STAT1: variants seen among roughly 807,000 people sequenced by gnomAD.
STAT1 encodes signal transducer and activator of transcription 1-alpha/beta.
STAT1 carries 24 observed loss-of-function variants against 111.7 expected under a neutral mutation model. The observed-to-expected ratio is 0.21, with a 90% CI of 0.16 to 0.30. The LOEUF is 0.30. Among genes scored for constraint, STAT1 ranks in the 10% least tolerant of loss-of-function variants. STAT1 has a pLI of 1.00. For synonymous variants in STAT1, 332 were observed against 326.5 expected, an observed-to-expected ratio of 1.02 and a Z score of -0.18; for missense variants, 351 against 911.9, an observed-to-expected ratio of 0.38 and a Z score of 7.92.
At position 190,983,130 on chromosome 2, in the gene STAT1, G is replaced by C. The variant is rs1246802557; in HGVS notation, c.1446+512C>G. 6.6e-6 allele frequency among the ~76,000 whole-genome samples: 1 copy of C among 152,160 alleles called. No homozygotes were observed. The highest frequency in any genetic ancestry group is 1.5e-5 in the Non-Finnish European group (1 of 68,032). On this transcript the variant is annotated intron_variant, in intron 17 of 24. Transcript: ENST00000361099. This position sits in a 1 kb window ranked among gnomAD's most constrained non-coding sequence, Gnocchi z 5.7. ...ATGCCTCAACAAGTGTATTAGATAAGGTGTCTTTAAACAGAAACACACATA... is the reference window on the plus strand; with the variant it reads ...ATGCCTCAACAAGTGTATTAGATAACGTGTCTTTAAACAGAAACACACATA...
rs1186709234 is a variant in STAT1, at chr2:191,012,345, G to A, written c.-2+1180C>T. Among the ~76,000 whole-genome samples the A allele has an allele frequency of 1.3e-5, 2 of 151,932 alleles. No individual in the cohort carries two copies. The highest frequency in any genetic ancestry group is 2.9e-5 in the Non-Finnish European group (2 of 67,988). ...GCAGGGGAATTGCTTGAACCCAGGA[G>A]GCGGAGGTTGCAGTGAGCTGAGATC... On this transcript the variant is annotated intron_variant, in intron 2 of 24. Coordinates refer to ENST00000361099, the MANE Select transcript of STAT1 (RefSeq NM_007315.4). This position sits in a 1 kb window ranked among gnomAD's most constrained non-coding sequence, Gnocchi z 4.0.
intron 2 of STAT1, among the ~76,000 whole-genome samples, chr2:191,011,638 G>A (rs1008526217): frequency 2.6e-5 from 4 of 152,130 alleles, no homozygotes; most frequent in African/African-American, 9.7e-5. Flanking sequence ...TTAAGGGCGG[G>A]ACCAGTGGAG....
At position 190,998,522 on chromosome 2, in the gene STAT1, C is replaced by T. The variant is rs41454144; in HGVS notation, c.542-214G>A. Among the ~76,000 whole-genome samples, 2,162 of 151,984 alleles carry T rather than the reference C, an allele frequency of 0.014. 53 individuals are homozygous for T. The highest frequency in any genetic ancestry group is 0.049 in the African/African-American group (2,012 of 41,454). On this transcript the variant is annotated intron_variant, in intron 7 of 24. Coordinates refer to ENST00000361099, the MANE Select transcript of STAT1 (RefSeq NM_007315.4). The surrounding 1 kb of genome is among the most constrained non-coding windows in gnomAD (Gnocchi z 4.1). ...TACTTGTTTTCAAAAATTAGCCGGG[C>T]GCAGTGGCAGACGCCTGTAGTCCCA...
intron 2 of STAT1, among the ~76,000 whole-genome samples, 197 bp from the exon 3 acceptor site, chr2:191,010,201 T>TCCTCC (rs1481932146): frequency 2.9e-4 from 44 of 152,328 alleles, no homozygotes; most frequent in African/African-American, 1.0e-3. Context: ...ACTTTTTTTC[T>TCCTCC]CCTCCACGAA....
rs747510156 is a variant in STAT1 at position 190,983,652 on chromosome 2, G to A, written c.1436C>T (p.Ala479Val). Reference sequence around the variant, plus strand: ...ATGTGTTTTCCATACCCTGGGTTCCGCCACCAGCATGTTGTACCAAAGGAT... The same window carrying A: ...ATGTGTTTTCCATACCCTGGGTTCCACCACCAGCATGTTGTACCAAAGGAT... ...ASILWYNMLV[A>V]EPRNLSFFLT... is the part of the protein sequence containing the mutation. Residue 479 changes from alanine to valine, a missense_variant, in exon 17 of 25, where the codon GCG (alanine) becomes GTG (valine). Ala to Val is a moderately conservative substitution (Grantham distance 64). Around this residue, in one of 7 missense-constraint regions of STAT1, gnomAD observed 181 missense variants for 426.1 expected, o/e 0.42. Coordinates refer to ENST00000361099, the MANE Select transcript of STAT1 (RefSeq NM_007315.4). The surrounding 1 kb of genome is among the most constrained non-coding windows in gnomAD (Gnocchi z 5.7). 3.7e-6 allele frequency: 6 copies of A among 1,613,804 alleles called. No homozygotes were observed. Among genetic ancestry groups the A allele is most frequent in the Admixed American group, 1.7e-5 (1 of 59,984 alleles).
intron 11 of STAT1, among the ~76,000 whole-genome samples, 192 bp downstream of exon 11, chr2:190,991,036 A>G (rs1362643852): frequency 6.6e-6 from 1 of 152,238 alleles, no homozygotes; most frequent in Non-Finnish European, 1.5e-5. Flanking sequence ...ACATATATGT[A>G]TATCAGTTAC....
At position 190,978,594 on chromosome 2, in the gene STAT1, G is replaced by A; in HGVS notation, c.1873+262C>T. 1 of 521,976 alleles carries A rather than the reference G, an allele frequency of 1.9e-6. No individual in the cohort carries two copies. Among genetic ancestry groups the A allele is most frequent in the Non-Finnish European group, 3.5e-6 (1 of 285,426 alleles). 32.3% of individuals were successfully genotyped at this position (521,976 alleles called of 1,614,324 possible). Reference sequence around the variant, plus strand: ...TTACATTGACTCACATCCTTGATCTGCAGATAACAAACCTGATGCAAAGGA... The same window carrying A: ...TTACATTGACTCACATCCTTGATCTACAGATAACAAACCTGATGCAAAGGA... On this transcript the variant is annotated intron_variant, in intron 21 of 24. Transcript: ENST00000361099. The surrounding 1 kb of genome is among the most constrained non-coding windows in gnomAD (Gnocchi z 6.1).
intron 10 of STAT1, 142 bp from the exon 11 acceptor site, chr2:190,991,462 C>G (rs1445442426): frequency 1.8e-5 from 14 of 791,500 alleles, no homozygotes; most frequent in Non-Finnish European, 3.0e-5. Context: ...GTTGGATGAA[C>G]AAAGTGATAT....
Position 190,975,057 on chromosome 2 carries a change from T to C in STAT1, c.2136-125A>G. On this transcript the variant is annotated intron_variant, in intron 23 of 24. Transcript: ENST00000361099. The surrounding 1 kb of genome is among the most constrained non-coding windows in gnomAD (Gnocchi z 5.9). Reference sequence around the variant, plus strand: ...ACGTTATATTTTTATTTTGGGTAAGTGCATACACTTGTAAAATACATTTGC... The same window carrying C: ...ACGTTATATTTTTATTTTGGGTAAGCGCATACACTTGTAAAATACATTTGC... The C allele has an allele frequency of 1.2e-6, 1 of 811,252 alleles. No individual in the cohort carries two copies. The highest frequency in any genetic ancestry group is 2.1e-6 in the Non-Finnish European group (1 of 475,188). The allele number at this position is 811,252 out of a possible 1,614,324, so 50.3% of individuals were successfully genotyped here.
At chr2:190,992,987 A>G in intron 10 of STAT1, 1 of 254,902 alleles carries the variant, frequency 3.9e-6, no homozygotes, top group Non-Finnish European at 7.5e-6. Flanking sequence ...ATGGGGTTTC[A>G]TCATGTTGGC....
At position 190,981,514 on chromosome 2, in the gene STAT1, A is replaced by G. The variant is rs1490624835; in HGVS notation, c.1583-845T>C. On this transcript the variant is annotated intron_variant, in intron 18 of 24. Transcript: ENST00000361099. The surrounding 1 kb of genome is among the most constrained non-coding windows in gnomAD (Gnocchi z 4.1). ...GAACTACAAATGAGCCATTACAGCT[A>G]GAAAAGATATCCTTCTTAACTCTCA... 1.3e-5 allele frequency among the ~76,000 whole-genome samples: 2 copies of G among 152,248 alleles called. No homozygotes were observed. Among genetic ancestry groups the G allele is most frequent in the African/African-American group, 4.8e-5 (2 of 41,454 alleles).
chr2:191,011,898 G>A (rs1199740394), intron 2 of STAT1, among the ~76,000 whole-genome samples: 1 of 151,890 alleles, frequency 6.6e-6, no homozygotes, highest in Non-Finnish European at 1.5e-5. Context: ...CAATAAACAC[G>A]AGCCAAGAAG....
Position 190,998,078 on chromosome 2 carries a change from A to G in STAT1, c.634-71T>C. 1 of 1,582,992 alleles carries G rather than the reference A, an allele frequency of 6.3e-7. No individual in the cohort carries two copies. The highest frequency in any genetic ancestry group is 2.3e-5 in the East Asian group (1 of 42,730). On this transcript the variant is annotated intron_variant, in intron 8 of 24. Transcript: ENST00000361099. The surrounding 1 kb of genome is among the most constrained non-coding windows in gnomAD (Gnocchi z 4.1). ...CACTGAATTTTAAAATATTTTTTAAAAGAAAAGCAAATATCATTTCATTCT... is the reference window on the plus strand; with the variant it reads ...CACTGAATTTTAAAATATTTTTTAAGAGAAAAGCAAATATCATTTCATTCT...
rs1389188230 is a variant in STAT1, at chr2:190,983,242, AATTC to A, written c.1446+396_1446+399del. Among the ~76,000 whole-genome samples the A allele has an allele frequency of 6.6e-6, 1 of 152,234 alleles. No homozygotes were observed. The highest frequency in any genetic ancestry group is 1.5e-5 in the Non-Finnish European group (1 of 68,040). On this transcript the variant is annotated intron_variant, in intron 17 of 24. Coordinates refer to ENST00000361099, the MANE Select transcript of STAT1 (RefSeq NM_007315.4). This position sits in a 1 kb window ranked among gnomAD's most constrained non-coding sequence, Gnocchi z 5.7. ...GCCTCGTAGTTCCCTTAGGAGCAACAATTCATTATTTGCTAGTTAAGTGTTCCTG... is the reference window on the plus strand; with the variant it reads ...GCCTCGTAGTTCCCTTAGGAGCAACAATTATTTGCTAGTTAAGTGTTCCTG...
Position 190,980,116 on chromosome 2 carries a change from T to A in STAT1, c.1633-250A>T, listed in dbSNP as rs889813200. 1.3e-5 allele frequency among the ~76,000 whole-genome samples: 2 copies of A among 152,138 alleles called. No homozygotes were observed. Among genetic ancestry groups the A allele is most frequent in the African/African-American group, 4.8e-5 (2 of 41,430 alleles). ...GGGCTCTGCTTCCCTTTCCAAACAG[T>A]AGCAAGCTAGCCTGGGGGTGACCTC... On this transcript the variant is annotated intron_variant, in intron 19 of 24. Coordinates refer to ENST00000361099, the MANE Select transcript of STAT1 (RefSeq NM_007315.4). This position sits in a 1 kb window ranked among gnomAD's most constrained non-coding sequence, Gnocchi z 6.1.
At position 190,984,471 on chromosome 2, in the gene STAT1, G is replaced by T; in HGVS notation, c.1264-78C>A. 2 of 1,234,704 alleles carry T rather than the reference G, an allele frequency of 1.6e-6. No individual in the cohort carries two copies. The highest frequency in any genetic ancestry group is 2.4e-6 in the Non-Finnish European group (2 of 847,204). The allele number at this position is 1,234,704 out of a possible 1,614,324, so 76.5% of individuals were successfully genotyped here. ...AACTTTCAAAAGCCCAATTAACATT[G>T]CAACAGGCCACAGAGATCCTGGGCC... is the stretch of plus-strand genomic sequence containing the variant. On this transcript the variant is annotated intron_variant, in intron 15 of 24. Coordinates refer to ENST00000361099, the MANE Select transcript of STAT1 (RefSeq NM_007315.4). This position sits in a 1 kb window ranked among gnomAD's most constrained non-coding sequence, Gnocchi z 5.2.
rs1408964649 is a variant in STAT1 at position 190,995,229 on chromosome 2, C to T, written c.786-10G>A. On this transcript the variant is annotated splice_polypyrimidine_tract_variant and intron_variant, in intron 9 of 24. Coordinates refer to ENST00000361099, the MANE Select transcript of STAT1 (RefSeq NM_007315.4). The surrounding 1 kb of genome is among the most constrained non-coding windows in gnomAD (Gnocchi z 4.2). ...CGCAACTATAGTGAACCTGGGAAGA[C>T]ACAAGACACAGATGTCTCTATGAGA... 1.2e-6 allele frequency: 2 copies of T among 1,613,798 alleles called. No homozygotes were observed. The highest frequency in any genetic ancestry group is 1.6e-4 in the Middle Eastern group (1 of 6,062).
chr2:191,007,490 G>T lies in STAT1; in HGVS notation c.372+73C>A. The T allele has an allele frequency of 1.8e-6, 2 of 1,090,100 alleles. No individual in the cohort carries two copies. The highest frequency in any genetic ancestry group is 2.8e-6 in the Non-Finnish European group (2 of 712,618). 67.5% of individuals were successfully genotyped at this position (1,090,100 alleles called of 1,614,324 possible). Reference sequence around the variant, plus strand: ...GATATTCATCATTGCTTTGACATGGGCCCTAATAGTATTTGATGAATGAAT... The same window carrying T: ...GATATTCATCATTGCTTTGACATGGTCCCTAATAGTATTTGATGAATGAAT... On this transcript the variant is annotated intron_variant, in intron 5 of 24. Transcript: ENST00000361099. This position sits in a 1 kb window ranked among gnomAD's most constrained non-coding sequence, Gnocchi z 4.2.
Position 190,978,216 on chromosome 2 carries a change from G to A in STAT1, c.1873+640C>T, listed in dbSNP as rs189460003. On this transcript the variant is annotated intron_variant, in intron 21 of 24. Coordinates refer to ENST00000361099, the MANE Select transcript of STAT1 (RefSeq NM_007315.4). This position sits in a 1 kb window ranked among gnomAD's most constrained non-coding sequence, Gnocchi z 6.1. ...CAAACAGACCAAACTCTAAACAACA[G>A]TGAAAAGTAATCAGTTGGTCTTTAT... 2.0e-4 allele frequency among the ~76,000 whole-genome samples: 30 copies of A among 152,326 alleles called. No individual in the cohort carries two copies. Among genetic ancestry groups the A allele is most frequent in the Admixed American group, 7.2e-4 (11 of 15,306 alleles).
Sources: gnomAD v4.1 joint callset for allele counts (sites outside exome capture counted in the v4.1 genomes callset) on GRCh38, gnomAD v4.1.1 for gene constraint, gnomAD v4.1.1 regional missense constraint, Gnocchi (gnomAD v3.1) non-coding constraint, MANE v1.5 for transcripts, NCBI Gene and HGNC (gene_info 2026-07-23, HGNC 2026-07-21) for gene names.